HMCN1: variants seen among roughly 807,000 people sequenced by gnomAD.
The protein encoded by HMCN1 is hemicentin-1.
A neutral mutation model predicts 625.9 loss-of-function variants in HMCN1; 321 were observed. That is an observed-to-expected ratio of 0.51 (90% CI 0.47 to 0.56). The LOEUF is 0.56. HMCN1 is among the 20% of genes least tolerant of loss of function. The pLI is 0.00. For synonymous variants in HMCN1, 2,425 were observed against 2,417.6 expected (o/e 1.00, Z -0.09); for missense variants, 6,588 against 6,887.3 (o/e 0.96, Z 1.54).
chr1:185,796,654 GTA>G (rs1026424272), intron 1 of HMCN1, among the ~76,000 whole-genome samples: 15 of 150,398 alleles, frequency 1.0e-4, no homozygotes, highest in African/African-American at 3.7e-4. Context: ...GTGTGTGTGT[GTA>G]TACTCACATA....
At chr1:185,792,820 C>T (rs1658094124) in intron 1 of HMCN1, among the ~76,000 whole-genome samples, 1 of 152,018 alleles carries the variant, frequency 6.6e-6, no homozygotes, top group African/African-American at 2.4e-5. Context: ...CTACGATCAC[C>T]CCCATGTGTT....
chr1:186,133,926 G>A (rs1649400540), intron 86 of HMCN1, among the ~76,000 whole-genome samples: 1 of 152,022 alleles, frequency 6.6e-6, no homozygotes, highest in African/African-American at 2.4e-5. Flanking sequence ...TTCCAGAAAT[G>A]TTAATATGTT....
At chr1:185,932,200 TAAC>T (rs1402706283) in intron 10 of HMCN1, among the ~76,000 whole-genome samples, 1 of 152,142 alleles carries the variant, frequency 6.6e-6, no homozygotes, top group Admixed American at 6.6e-5. Context: ...TTAAAAAACA[TAAC>T]AAAATAATTA....
Position 186,144,237 on chromosome 1 carries a change from T to C in HMCN1, c.13989T>C (p.Thr4663=), listed in dbSNP as rs1650142773. ...GTCSESCGKG[T]QTRARLCNNP... ...GCAGCGAAAGTTGTGGGAAAGGTAC[T>C]CAGACAAGAGCAAGACTTTGTAATA... The change falls in exon 90 of 107, where the codon ACT becomes ACC. Residue 4663 remains threonine (T), a synonymous_variant. Transcript: ENST00000271588. The C allele has an allele frequency of 3.7e-6, 6 of 1,613,512 alleles. No homozygotes were observed. The East Asian group carries it at 1.3e-4, about 36-fold the overall frequency.
chr1:185,740,514 C>CA (rs1203990707), intron 1 of HMCN1, among the ~76,000 whole-genome samples: 1 of 152,026 alleles, frequency 6.6e-6, no homozygotes, highest in Non-Finnish European at 1.5e-5. Flanking sequence ...TTTTCCATGC[C>CA]AAAAATTTTA....
chr1:185,825,526 G>T (rs1278787663), intron 1 of HMCN1, among the ~76,000 whole-genome samples: 1 of 152,130 alleles, frequency 6.6e-6, no homozygotes, highest in African/African-American at 2.4e-5. Context: ...AAAAGTACAT[G>T]AAATAATGAT....
intron 68 of HMCN1, among the ~76,000 whole-genome samples, chr1:186,097,934 A>G (rs1660209993): frequency 6.6e-6 from 1 of 152,212 alleles, no homozygotes; most frequent in Admixed American, 6.5e-5. Flanking sequence ...AAAGGTCCCA[A>G]GAACACATAC....
intron 82 of HMCN1, 86 bp downstream of exon 82, chr1:186,125,880 T>C: frequency 1.1e-6 from 1 of 929,918 alleles, no homozygotes; most frequent in Non-Finnish European, 1.6e-6. Flanking sequence ...GGAAGTATAT[T>C]CTTTAATAAT....
At chr1:185,824,418 T>C (rs1660383765) in intron 1 of HMCN1, among the ~76,000 whole-genome samples, 1 of 152,194 alleles carries the variant, frequency 6.6e-6, no homozygotes, top group Non-Finnish European at 1.5e-5. Context: ...GACTAAATCA[T>C]AGGCTTTTTG....
chr1:185,960,489 C>G (rs2102553578), intron 11 of HMCN1, among the ~76,000 whole-genome samples: 1 of 152,246 alleles, frequency 6.6e-6, no homozygotes, highest in Non-Finnish European at 1.5e-5. Context: ...TGATGTCATC[C>G]CATCTGTGTG....
In HMCN1 at chr1:186,120,150, C is replaced by A. The variant is rs1661334331; in HGVS notation, c.12229+5C>A. On this transcript the variant is annotated splice_donor_5th_base_variant and intron_variant, in intron 80 of 106. Coordinates refer to ENST00000271588, the MANE Select transcript of HMCN1 (RefSeq NM_031935.3). ...AAATCAAGTTAAATGTCCAAGGTAC[C>A]TAAATAATTCATCTCTGTTTTCAAT... 1 of 1,613,392 alleles carries A rather than the reference C, an allele frequency of 6.2e-7. No homozygotes were observed. The highest frequency in any genetic ancestry group is 1.1e-5 in the South Asian group (1 of 91,014).
intron 93 of HMCN1, among the ~76,000 whole-genome samples, chr1:186,149,319 G>A (rs567855245): frequency 3.9e-5 from 6 of 152,266 alleles, no homozygotes; most frequent in Non-Finnish European, 7.4e-5. Flanking sequence ...GCTACCTCTG[G>A]ATAATTTGCT....
intron 6 of HMCN1, among the ~76,000 whole-genome samples, chr1:185,920,129 A>G (rs1381703361): frequency 1.3e-5 from 2 of 152,246 alleles, no homozygotes; most frequent in African/African-American, 4.8e-5. Flanking sequence ...AAGTATTAGA[A>G]TTCTTTTCAG....
At position 186,145,479 on chromosome 1, in the gene HMCN1, C is replaced by T. The variant is rs1558257765; in HGVS notation, c.14343C>T (p.Tyr4781=). The change falls in exon 92 of 107, where the codon TAC becomes TAT. Residue 4781 remains tyrosine (Y), a synonymous_variant. Transcript: ENST00000271588. ...RTCNGGQMRR[Y]RTCDNPPPSN... ...GTAACGGAGGGCAGATGCGGCGGTA[C>T]CGCACATGTGATAACCCTCCTCCCT... 1 of 1,613,448 alleles carries T rather than the reference C, an allele frequency of 6.2e-7. No homozygotes were observed. Among genetic ancestry groups the T allele is most frequent in the Non-Finnish European group, 8.5e-7 (1 of 1,179,712 alleles).
chr1:186,001,475 G>T, intron 27 of HMCN1, 47 bp downstream of exon 27: 1 of 1,606,522 alleles, frequency 6.2e-7, no homozygotes, highest in South Asian at 1.1e-5. Flanking sequence ...CTCTGCATCT[G>T]AAGTAGGTTG....
chr1:186,105,339 A>G (rs941679675), intron 69 of HMCN1, among the ~76,000 whole-genome samples: 4 of 152,236 alleles, frequency 2.6e-5, no homozygotes, highest in Non-Finnish European at 5.9e-5. Context: ...CAATTTGTAT[A>G]TACTTCTGTA....
At chr1:186,079,376 C>G (rs1003219779) in intron 55 of HMCN1, among the ~76,000 whole-genome samples, 3 of 152,184 alleles carry the variant, frequency 2.0e-5, no homozygotes, top group Non-Finnish European at 4.4e-5. Context: ...GTATTACTCT[C>G]TCTCTCTGGG....
chr1:185,899,381 A>G (rs1665677189), intron 4 of HMCN1, among the ~76,000 whole-genome samples: 1 of 152,164 alleles, frequency 6.6e-6, no homozygotes, highest in Admixed American at 6.6e-5. Flanking sequence ...CCAAAAATGC[A>G]GCGAAAAAAA....
At chr1:185,977,649 A>G in intron 15 of HMCN1, 138 bp from the exon 16 acceptor site, 2 of 678,256 alleles carry the variant, frequency 2.9e-6, no homozygotes, top group South Asian at 3.5e-5. Flanking sequence ...TAAGAGAGGA[A>G]TATCAACAGG....
Sources: gnomAD v4.1 joint callset for allele counts (sites outside exome capture counted in the v4.1 genomes callset) on GRCh38, gnomAD v4.1.1 for gene constraint, MANE v1.5 for transcripts, NCBI Gene and HGNC (gene_info 2026-07-23, HGNC 2026-07-21) for gene names.